Variants in PANK2 observed in about 807,000 individuals in gnomAD.
PANK2 encodes pantothenate kinase 2, mitochondrial.
PANK2 carries 36 observed loss-of-function variants against 43.1 expected under a neutral mutation model. That is an observed-to-expected ratio of 0.84 (90% CI 0.64 to 1.10). PANK2 has a LOEUF of 1.10. PANK2 is among the 50% of genes least tolerant of loss of function. The probability of loss-of-function intolerance (pLI) is 0.00; values close to 1 mark genes in which losing one functional copy is unlikely to be tolerated. For missense variants in PANK2, 576 were observed against 593.3 expected (o/e 0.97, Z 0.30); for synonymous variants, 281 against 238.2 (o/e 1.18, Z -1.66).
Position 3,928,948 on chromosome 20 carries a change from A to T in PANK2, c.*5654A>T, listed in dbSNP as rs960322310. 7 of 151,646 alleles carry T rather than the reference A, an allele frequency of 4.6e-5. No individual in the cohort carries two copies. Among genetic ancestry groups the T allele is most frequent in the African/African-American group, 1.7e-4 (7 of 41,306 alleles). 9.4% of individuals were successfully genotyped at this position (151,646 alleles called of 1,614,324 possible). A position where few individuals can be genotyped will look rare whatever the true frequency, so the allele number is the denominator to read the frequency against. On this transcript the variant is annotated 3_prime_UTR_variant, in exon 7 of 7. Coordinates refer to ENST00000610179, the MANE Select transcript of PANK2 (RefSeq NM_001386393.1). ...ACTGCAACTTCTGTCTCCCGGGTTC[A>T]ATCAATTCTCCTGTCCCAGCCTCCT...
chr20:3,900,808 G>T (rs894884900), intron 1 of PANK2, among the ~76,000 whole-genome samples: 2 of 151,462 alleles, frequency 1.3e-5, no homozygotes, highest in Non-Finnish European at 2.9e-5. Flanking sequence ...TTGCTCTGTC[G>T]CCTAGGCTGG....
At chr20:3,920,471 C>T (rs142142770) in intron 6 of PANK2, among the ~76,000 whole-genome samples, 4 of 152,182 alleles carry the variant, frequency 2.6e-5, no homozygotes, top group African/African-American at 7.2e-5. Flanking sequence ...GAGCTGAGAT[C>T]GCACCACTGT....
intron 1 of PANK2, among the ~76,000 whole-genome samples, chr20:3,895,891 T>A (rs1205989729): frequency 6.6e-6 from 1 of 152,154 alleles, no homozygotes; most frequent in Non-Finnish European, 1.5e-5. Context: ...TTTAAAACTA[T>A]TTTGGGAATA....
chr20:3,913,461 A>G (rs2090501793), intron 4 of PANK2, among the ~76,000 whole-genome samples: 1 of 151,736 alleles, frequency 6.6e-6, no homozygotes, highest in Admixed American at 6.6e-5. Flanking sequence ...CTCCTGCCTC[A>G]GCCTCCTGAG....
chr20:3,893,924 G>GTTTTTTTT (rs1046729224), intron 1 of PANK2, among the ~76,000 whole-genome samples: 1 of 124,922 alleles, frequency 8.0e-6, no homozygotes, highest in Admixed American at 8.2e-5. Flanking sequence ...TTTTTTGTTT[G>GTTTTTTTT]TTTTTTGTTT....
intron 4 of PANK2, among the ~76,000 whole-genome samples, chr20:3,913,708 T>G (rs2146876931): frequency 6.6e-6 from 1 of 151,790 alleles, no homozygotes; most frequent in East Asian, 1.9e-4. Flanking sequence ...TTGGGTTGTT[T>G]CCATTTTTTG....
Position 3,910,940 on chromosome 20 carries a change from G to A in PANK2, c.905+110G>A, listed in dbSNP as rs1210820694. ...GAACCTGTTAGGTGAAAGTGTTTCT[G>A]GATTATGCAAACAAATGTTTCTCTT... On this transcript the variant is annotated intron_variant, in intron 3 of 6. Coordinates refer to ENST00000610179, the MANE Select transcript of PANK2 (RefSeq NM_001386393.1). 4 of 1,343,168 alleles carry A rather than the reference G, an allele frequency of 3.0e-6. No homozygotes were observed. The African/African-American group carries it at 5.9e-5, about 20-fold the overall frequency. The allele number at this position is 1,343,168 out of a possible 1,614,324, so 83.2% of individuals were successfully genotyped here. A position where few individuals can be genotyped will look rare whatever the true frequency, so the allele number is the denominator to read the frequency against.
intron 3 of PANK2, among the ~76,000 whole-genome samples, chr20:3,912,206 A>C (rs975376312): frequency 6.6e-6 from 1 of 152,152 alleles, no homozygotes; most frequent in Non-Finnish European, 1.5e-5. Flanking sequence ...GAGGCTCTTC[A>C]TACTTGGCAG....
At position 3,910,570 on chromosome 20, in the gene PANK2, A is replaced by G. The variant is rs747722797; in HGVS notation, c.652-7A>G. ...AAAAGTCTGAGTACATTCTTATTTC[A>G]TTACAGATAGGTGATCTTCAGCTTT... On this transcript the variant is annotated splice_region_variant and splice_polypyrimidine_tract_variant and intron_variant, in intron 2 of 6. Transcript: ENST00000610179. 4.3e-6 allele frequency: 7 copies of G among 1,614,038 alleles called. No homozygotes were observed. The highest frequency in any genetic ancestry group is 3.3e-5 in the Admixed American group (2 of 60,008).
chr20:3,894,296 A>G (rs989085279), intron 1 of PANK2, among the ~76,000 whole-genome samples: 6 of 151,578 alleles, frequency 4.0e-5, no homozygotes, highest in Admixed American at 2.0e-4. Flanking sequence ...GCTGGAGTGC[A>G]ATGGCGTGAT....
intron 6 of PANK2, chr20:3,921,846 G>A (rs1215805568): frequency 6.6e-6 from 1 of 152,166 alleles, no homozygotes. Context: ...GAGTAGATGG[G>A]ACTACAGGCA....
At chr20:3,906,746 C>T (rs576602857) in intron 1 of PANK2, among the ~76,000 whole-genome samples, 9 of 152,270 alleles carry the variant, frequency 5.9e-5, no homozygotes, top group South Asian at 2.1e-4. Context: ...TTTGAGCCCT[C>T]ATTAAATTGG....
At chr20:3,923,172 A>G in intron 6 of PANK2, 72 bp from the exon 7 acceptor site, 3 of 1,529,846 alleles carry the variant, frequency 2.0e-6, no homozygotes, top group Admixed American at 1.7e-5. Flanking sequence ...CTTTAACACT[A>G]GTCATCATGT....
chr20:3,919,683 G>A (rs1455353472), intron 6 of PANK2, among the ~76,000 whole-genome samples: 11 of 152,202 alleles, frequency 7.2e-5, no homozygotes, highest in Admixed American at 2.0e-4. Context: ...ATGGAAAGGC[G>A]TGTAGGGGTT....
At chr20:3,909,366 C>T (rs1203343452) in intron 2 of PANK2, among the ~76,000 whole-genome samples, 2 of 152,136 alleles carry the variant, frequency 1.3e-5, no homozygotes, top group Admixed American at 6.6e-5. Flanking sequence ...AGGGGTGAGT[C>T]ACCTTGCCCG....
In PANK2 at chr20:3,925,522, C is replaced by T. The variant is rs1167388410; in HGVS notation, c.*2228C>T. ...GTGCTGGGAATACAGGTGTGAGCCC[C>T]TGCGCCCGGCTCACAGCAGGGTTCT... On this transcript the variant is annotated 3_prime_UTR_variant, in exon 7 of 7. Coordinates refer to ENST00000610179, the MANE Select transcript of PANK2 (RefSeq NM_001386393.1). 6.6e-6 allele frequency: 1 copy of T among 152,208 alleles called. No individual in the cohort carries two copies. Among genetic ancestry groups the T allele is most frequent in the Non-Finnish European group, 1.5e-5 (1 of 68,066 alleles). The allele number at this position is 152,208 out of a possible 1,614,324, so 9.4% of individuals were successfully genotyped here.
At chr20:3,921,225 G>A (rs959430614) in intron 6 of PANK2, 5 of 148,892 alleles carry the variant, frequency 3.4e-5, no homozygotes, top group Non-Finnish European at 1.5e-5. Context: ...GGCAGGCCCT[G>A]GTGTGGGATG....
chr20:3,911,076 C>A (rs1300895697), intron 3 of PANK2, among the ~76,000 whole-genome samples: 1 of 152,134 alleles, frequency 6.6e-6, no homozygotes, highest in African/African-American at 2.4e-5. Context: ...AGCCTTTGCC[C>A]TCAGATAGTT....
Position 3,904,693 on chromosome 20 carries a change from A to G in PANK2, c.299-3233A>G, listed in dbSNP as rs547009215. Among the ~76,000 whole-genome samples, 4 of 152,310 alleles carry G rather than the reference A, an allele frequency of 2.6e-5. No individual in the cohort carries two copies. The South Asian group carries it at 6.2e-4, about 24-fold the overall frequency. On this transcript the variant is annotated intron_variant, in intron 1 of 6. Coordinates refer to ENST00000610179, the MANE Select transcript of PANK2 (RefSeq NM_001386393.1). ...TTTTTGCAGCCACACACATCTGGCA[A>G]TCGTTTTTTAATTTTTGATTTTTCT...
Sources: allele counts gnomAD v4.1 joint callset (sites outside exome capture counted in the v4.1 genomes callset), GRCh38; gene constraint gnomAD v4.1.1; transcripts MANE v1.5; gene names NCBI Gene and HGNC (gene_info 2026-07-23, HGNC 2026-07-21).